Variants in MSI2 observed in about 807,000 individuals in gnomAD.
MSI2 encodes RNA-binding protein Musashi homolog 2.
A neutral mutation model predicts 45.6 loss-of-function variants in MSI2; 17 were observed. The observed-to-expected ratio is 0.37, with a 90% CI of 0.26 to 0.56. The LOEUF is 0.56. MSI2 is among the 20% of genes least tolerant of loss of function. The pLI, the probability that MSI2 is intolerant of heterozygous loss-of-function variation, is 0.77. For synonymous variants in MSI2, 156 were observed against 158.2 expected (o/e 0.99, Z 0.11); for missense variants, 293 against 444.2 (o/e 0.66, Z 3.06).
intron 5 of MSI2, among the ~76,000 whole-genome samples, chr17:57,383,723 C>T (rs1270623644): frequency 2.0e-5 from 3 of 152,192 alleles, no homozygotes; most frequent in Admixed American, 6.5e-5. Flanking sequence ...TTTTAGACTC[C>T]TGCCTTTCTA....
rs975460130 is a variant in MSI2 at position 57,679,591 on chromosome 17, G to A, written c.*74G>A. 9.4e-7 allele frequency: 1 copy of A among 1,062,268 alleles called. No individual in the cohort carries two copies. Among genetic ancestry groups the A allele is most frequent in the Admixed American group, 5.4e-5 (1 of 18,626 alleles). 65.8% of individuals were successfully genotyped at this position (1,062,268 alleles called of 1,614,324 possible). ...AGGCAAGACTGGGCGAAGTTTCTGA[G>A]TGGCCCTTTGTTTAGGTGATGTCCT... On this transcript the variant is annotated 3_prime_UTR_variant, in exon 14 of 14. Transcript: ENST00000284073.
intron 6 of MSI2, among the ~76,000 whole-genome samples, chr17:57,505,558 T>C (rs764724737): frequency 7.2e-5 from 11 of 152,228 alleles, no homozygotes; most frequent in Non-Finnish European, 8.8e-5. Flanking sequence ...TATGCAGGTA[T>C]TCCTTGCTTT....
chr17:57,653,634 T>C (rs1911352542), intron 11 of MSI2, among the ~76,000 whole-genome samples: 1 of 152,240 alleles, frequency 6.6e-6, no homozygotes, highest in South Asian at 2.1e-4. Flanking sequence ...AAGAAAACTC[T>C]TGAGATTTTT....
At position 57,361,729 on chromosome 17, in the gene MSI2, A is replaced by G. The variant is rs77221495; in HGVS notation, c.313-39650A>G. 7.2e-5 allele frequency among the ~76,000 whole-genome samples: 11 copies of G among 152,280 alleles called. No individual in the cohort carries two copies. The East Asian group carries it at 1.9e-3, about 27-fold the overall frequency. ...TCTTCACATTGAGTGGGCTGATGAG[A>G]AGGAAGAAGAGGGATGGTTTTGCTG... On this transcript the variant is annotated intron_variant, in intron 5 of 13. Coordinates refer to ENST00000284073, the MANE Select transcript of MSI2 (RefSeq NM_138962.4).
chr17:57,356,819 G>A (rs1255167097), intron 5 of MSI2, among the ~76,000 whole-genome samples: 1 of 152,046 alleles, frequency 6.6e-6, no homozygotes, highest in African/African-American at 2.4e-5. Flanking sequence ...GTTAAGCCGT[G>A]TATTGTATTT....
intron 7 of MSI2, among the ~76,000 whole-genome samples, chr17:57,550,214 C>G (rs754512788): frequency 1.3e-5 from 2 of 152,146 alleles, no homozygotes; most frequent in Admixed American, 6.5e-5. Context: ...GTTCTTAGAG[C>G]TTGGGTTTGG....
At chr17:57,638,617 C>T (rs1910013714) in intron 10 of MSI2, among the ~76,000 whole-genome samples, 2 of 152,108 alleles carry the variant, frequency 1.3e-5, no homozygotes, top group African/African-American at 2.4e-5. Context: ...TGGCAAGGCA[C>T]GGTGGCTCAC....
chr17:57,676,537 A>C (rs759287812), intron 12 of MSI2, among the ~76,000 whole-genome samples: 22 of 152,252 alleles, frequency 1.4e-4, no homozygotes, highest in Non-Finnish European at 3.1e-4. Flanking sequence ...TTTGTTCTTG[A>C]AAACCGGGGT....
At chr17:57,391,836 C>T (rs73327215) in intron 5 of MSI2, among the ~76,000 whole-genome samples, 3,438 of 152,294 alleles carry the variant, frequency 0.023, 142 homozygotes, top group African/African-American at 0.079. Context: ...CTCGCAGATT[C>T]AAAAACAGTG....
Position 57,552,088 on chromosome 17 carries a change from C to T in MSI2, c.454+22364C>T, listed in dbSNP as rs538689798. ...CTCGTCCTGGGGCTCAAGGACCCAG[C>T]TCATGTGACCTTCAGCAGGTCTCTC... is the stretch of plus-strand genomic sequence containing the variant. On this transcript the variant is annotated intron_variant, in intron 7 of 13. Transcript: ENST00000284073. The surrounding 1 kb of genome is among the most constrained non-coding windows in gnomAD (Gnocchi z 4.3). 7.7e-4 allele frequency among the ~76,000 whole-genome samples: 118 copies of T among 152,290 alleles called. No homozygotes were observed. The highest frequency in any genetic ancestry group is 2.6e-3 in the Admixed American group (40 of 15,312).
At chr17:57,650,604 C>G (rs1285272779) in intron 10 of MSI2, among the ~76,000 whole-genome samples, 4 of 152,184 alleles carry the variant, frequency 2.6e-5, no homozygotes, top group African/African-American at 9.7e-5. Flanking sequence ...CCAGGGACAA[C>G]CATACATTTA....
At chr17:57,276,950 CAG>C (rs1427435728) in intron 5 of MSI2, among the ~76,000 whole-genome samples, 1 of 151,808 alleles carries the variant, frequency 6.6e-6, no homozygotes, top group Non-Finnish European at 1.5e-5. Flanking sequence ...ACTGCATAGT[CAG>C]GGGAAAGGAG....
chr17:57,257,898 C>G (rs77067320), intron 3 of MSI2, among the ~76,000 whole-genome samples: 9,788 of 151,980 alleles, frequency 0.064, 439 homozygotes, highest in Middle Eastern at 0.16. Context: ...TCCCCAAACT[C>G]TTAAGATCCC....
At chr17:57,442,595 G>C (rs1382155128) in intron 6 of MSI2, among the ~76,000 whole-genome samples, 1 of 152,082 alleles carries the variant, frequency 6.6e-6, no homozygotes, top group Non-Finnish European at 1.5e-5. Flanking sequence ...CTCTCCTCGT[G>C]TGTTTCTTCT....
chr17:57,311,722 T>G (rs766032724), intron 5 of MSI2, among the ~76,000 whole-genome samples: 1 of 152,066 alleles, frequency 6.6e-6, no homozygotes, highest in African/African-American at 2.4e-5. Flanking sequence ...GCCCGGTAAT[T>G]TTTAAAATTT....
At chr17:57,494,483 G>A (rs1167665750) in intron 6 of MSI2, among the ~76,000 whole-genome samples, 1 of 152,158 alleles carries the variant, frequency 6.6e-6, no homozygotes, top group Non-Finnish European at 1.5e-5. Flanking sequence ...GGTATATTGT[G>A]GGGGTAATAA....
chr17:57,593,799 CA>C (rs1242129915), intron 7 of MSI2, among the ~76,000 whole-genome samples: 2 of 151,834 alleles, frequency 1.3e-5, no homozygotes, highest in Non-Finnish European at 2.9e-5. Flanking sequence ...GGGGCTGGGG[CA>C]GAGGGGTGAC....
intron 5 of MSI2, among the ~76,000 whole-genome samples, chr17:57,378,346 C>A (rs1598190397): frequency 6.6e-6 from 1 of 152,106 alleles, no homozygotes; most frequent in Non-Finnish European, 1.5e-5. Flanking sequence ...TCACTGCAAC[C>A]TCCGCCTCCC....
chr17:57,319,088 A>G (rs1285108861), intron 5 of MSI2, among the ~76,000 whole-genome samples: 1 of 152,140 alleles, frequency 6.6e-6, no homozygotes, highest in Non-Finnish European at 1.5e-5. Flanking sequence ...TGAGCTGGTG[A>G]TGGGGAGCAG....
Sources: gnomAD v4.1 joint callset for allele counts (sites outside exome capture counted in the v4.1 genomes callset) on GRCh38, gnomAD v4.1.1 for gene constraint, Gnocchi (gnomAD v3.1) non-coding constraint, MANE v1.5 for transcripts, NCBI Gene and HGNC (gene_info 2026-07-23, HGNC 2026-07-21) for gene names.